The following RGS6 variants were observed in gnomAD, a reference collection of about 807,000 sequenced individuals.
RGS6 encodes the protein regulator of G-protein signaling 6.
In RGS6, 30 loss-of-function variants were observed where a neutral mutation model predicts 78.5. That is an observed-to-expected ratio of 0.38 (90% CI 0.29 to 0.52). RGS6 has a LOEUF of 0.52. Among genes scored for constraint, RGS6 ranks in the 20% least tolerant of loss-of-function variants. The pLI is 0.85. For missense variants in RGS6, 495 were observed against 609.7 expected, an observed-to-expected ratio of 0.81 and a Z score of 1.98; for synonymous variants, 206 against 206.0, an observed-to-expected ratio of 1.00 and a Z score of 0.00.
At chr14:72,058,463 AATTT>A (rs1299487147) in intron 2 of RGS6, among the ~76,000 whole-genome samples, 9 of 151,962 alleles carry the variant, frequency 5.9e-5, no homozygotes, top group African/African-American at 2.2e-4. Context: ...TCCATTAATT[AATTT>A]ATTCTTTATA....
intron 2 of RGS6, among the ~76,000 whole-genome samples, chr14:72,116,661 T>C (rs1018817247): frequency 6.6e-6 from 1 of 151,770 alleles, no homozygotes; most frequent in Non-Finnish European, 1.5e-5. Flanking sequence ...TGCTAATAGG[T>C]GCTCTTAAGA....
chr14:72,542,113 A>AAAAACAAAC (rs375561739), intron 17 of RGS6, among the ~76,000 whole-genome samples: 1 of 152,078 alleles, frequency 6.6e-6, no homozygotes, highest in East Asian at 1.9e-4. Flanking sequence ...ATTAAAAAAA[A>AAAAACAAAC]CTAAATTCCT....
intron 2 of RGS6, among the ~76,000 whole-genome samples, chr14:72,159,367 G>A (rs1331314597): frequency 6.6e-6 from 1 of 152,292 alleles, no homozygotes; most frequent in Middle Eastern, 3.4e-3. Context: ...GAGGGTAGGC[G>A]CTCCAAAGAG....
At chr14:72,302,054 C>T (rs1362226128) in intron 2 of RGS6, among the ~76,000 whole-genome samples, 3 of 152,154 alleles carry the variant, frequency 2.0e-5, no homozygotes, top group East Asian at 1.9e-4. Context: ...TCTAGTTTAT[C>T]TTCAGTTTGT....
intron 2 of RGS6, among the ~76,000 whole-genome samples, chr14:72,333,875 A>G (rs1011725001): frequency 2.0e-5 from 3 of 152,182 alleles, no homozygotes; most frequent in African/African-American, 4.8e-5. Context: ...AGGTACACAC[A>G]TACGCACACC....
chr14:71,896,983 A>G, the RGS6 span, among the ~76,000 whole-genome samples: 1 of 152,112 alleles, frequency 6.6e-6, no homozygotes, highest in South Asian at 2.1e-4. Context: ...TAAGCTTGCT[A>G]CCATCTCTCT....
At chr14:72,350,453 C>A (rs78945543) in intron 2 of RGS6, among the ~76,000 whole-genome samples, 2 of 152,182 alleles carry the variant, frequency 1.3e-5, no homozygotes, top group African/African-American at 4.8e-5. Flanking sequence ...TTCCTCCTGT[C>A]ACCCAGAGGA....
chr14:72,396,538 C>A (rs1404483005), intron 3 of RGS6, among the ~76,000 whole-genome samples: 1 of 152,036 alleles, frequency 6.6e-6, no homozygotes, highest in African/African-American at 2.4e-5. Flanking sequence ...TGCAGAAGCT[C>A]TTTAGTCTGA....
chr14:72,038,430 A>C (rs1490530194), intron 2 of RGS6, among the ~76,000 whole-genome samples: 1 of 152,144 alleles, frequency 6.6e-6, no homozygotes. Context: ...ACCTACAAAA[A>C]TCTTGTTGGG....
chr14:72,182,627 G>A (rs528681236), intron 2 of RGS6, among the ~76,000 whole-genome samples: 4 of 152,226 alleles, frequency 2.6e-5, no homozygotes, highest in African/African-American at 9.6e-5. Flanking sequence ...TGTCCATACC[G>A]AAAGTCAAGT....
At chr14:72,244,609 G>T (rs904795143) in intron 2 of RGS6, among the ~76,000 whole-genome samples, 3 of 152,030 alleles carry the variant, frequency 2.0e-5, no homozygotes, top group African/African-American at 7.2e-5. Context: ...TTAGTCACAG[G>T]GTAACTGAAG....
intron 2 of RGS6, among the ~76,000 whole-genome samples, chr14:72,293,762 G>A (rs906181206): frequency 2.0e-5 from 3 of 152,164 alleles, no homozygotes; most frequent in African/African-American, 7.2e-5. Context: ...TCAGACATGG[G>A]CTAAGCCAAG....
rs1281221680 is a variant in RGS6 at position 72,435,320 on chromosome 14, A to C, written c.185-19208A>C. On this transcript the variant is annotated intron_variant, in intron 3 of 17. Transcript: ENST00000553525. ...AGTTCATGTAATAGCCCTGCAAAGCAATCTGCTATTACCAGTCCCAGCATC... is the reference window on the plus strand; with the variant it reads ...AGTTCATGTAATAGCCCTGCAAAGCCATCTGCTATTACCAGTCCCAGCATC... Among the ~76,000 whole-genome samples, 5 of 152,320 alleles carry C rather than the reference A, an allele frequency of 3.3e-5. No individual in the cohort carries two copies. In the East Asian group the frequency reaches 9.6e-4, roughly 29 times the overall value.
chr14:72,335,415 G>T (rs1271062015), intron 2 of RGS6, among the ~76,000 whole-genome samples: 1 of 152,136 alleles, frequency 6.6e-6, no homozygotes, highest in Admixed American at 6.5e-5. Context: ...TCCTAGGGAG[G>T]ACTAGATTAA....
intron 2 of RGS6, among the ~76,000 whole-genome samples, chr14:72,253,867 GC>G (rs1476172306): frequency 6.6e-6 from 1 of 152,162 alleles, no homozygotes; most frequent in Non-Finnish European, 1.5e-5. Context: ...TGTTACTGCA[GC>G]ATATATAACT....
intron 2 of RGS6, among the ~76,000 whole-genome samples, chr14:72,024,887 A>G (rs1013864157): frequency 1.3e-5 from 2 of 152,218 alleles, no homozygotes; most frequent in African/African-American, 2.4e-5. Flanking sequence ...GCAATGTCCT[A>G]TAGAAGGAGG....
chr14:72,196,492 C>T lies in RGS6; in HGVS notation c.85-155603C>T, dbSNP rs191802659. Reference sequence around the variant, plus strand: ...AGTGGGGACCTAGAATCACTGCTATCACGTGACATGCCCCCTGTTCCTCCT... The same window carrying T: ...AGTGGGGACCTAGAATCACTGCTATTACGTGACATGCCCCCTGTTCCTCCT... On this transcript the variant is annotated intron_variant, in intron 2 of 17. Transcript: ENST00000553525. Among the ~76,000 whole-genome samples the T allele has an allele frequency of 6.6e-5, 10 of 152,272 alleles. No homozygotes were observed. In the East Asian group the frequency reaches 1.9e-3, roughly 29 times the overall value.
chr14:72,262,101 C>T (rs1236003422), intron 2 of RGS6, among the ~76,000 whole-genome samples: 1 of 151,964 alleles, frequency 6.6e-6, no homozygotes, highest in African/African-American at 2.4e-5. Context: ...TTTTGGAAGG[C>T]AGCCTCTAGT....
chr14:71,910,508 A>G, the RGS6 span, among the ~76,000 whole-genome samples: 2 of 152,220 alleles, frequency 1.3e-5, no homozygotes, highest in Non-Finnish European at 2.9e-5. Flanking sequence ...GTCACCTTTC[A>G]TTGAAGTTTC....
Sources: allele counts gnomAD v4.1 joint callset (sites outside exome capture counted in the v4.1 genomes callset), GRCh38; gene constraint gnomAD v4.1.1; transcripts MANE v1.5; gene names NCBI Gene and HGNC (gene_info 2026-07-23, HGNC 2026-07-21).